The following SREK1 variants were observed in gnomAD, a reference collection of about 807,000 sequenced individuals.
SREK1 encodes splicing regulatory glutamine/lysine-rich protein 1.
In SREK1, 13 loss-of-function variants were observed where a neutral mutation model predicts 66.5. The observed-to-expected ratio is 0.20, with a 90% confidence interval of 0.13 to 0.31. SREK1 has a LOEUF of 0.31. Ranked by LOEUF, SREK1 falls within the 10% of genes least tolerant of loss-of-function variation. The probability of loss-of-function intolerance (pLI) is 1.00; values close to 1 mark genes in which losing one functional copy is unlikely to be tolerated. For missense variants in SREK1, 607 were observed against 769.6 expected (o/e 0.79, Z 2.50); for synonymous variants, 265 against 263.5 (o/e 1.01, Z -0.05).
chr5:66,145,261 T>A, intron 1 of SREK1: 5 of 685,630 alleles, frequency 7.3e-6, no homozygotes, highest in Non-Finnish European at 9.0e-6. Flanking sequence ...TCGCGGCCAC[T>A]TCCCAGATAG....
At chr5:66,164,701 G>A in intron 6 of SREK1, 82 bp from the exon 7 acceptor site, 1 of 1,610,366 alleles carries the variant, frequency 6.2e-7, no homozygotes, top group East Asian at 2.2e-5. Flanking sequence ...ACTATATGTG[G>A]TACATTCCAC....
At chr5:66,160,352 T>C (rs1744653157) in intron 3 of SREK1, among the ~76,000 whole-genome samples, 1 of 152,220 alleles carries the variant, frequency 6.6e-6, no homozygotes, top group South Asian at 2.1e-4. Flanking sequence ...ATTGTAAGAG[T>C]GGTTTCTGAA....
intron 2 of SREK1, chr5:66,153,875 T>TA (rs5868440): frequency 0.26 from 87,142 of 334,556 alleles, 14,043 homozygotes; most frequent in African/African-American, 0.5. Flanking sequence ...TTTCTGAAAT[T>TA]AAAAAATAAT....
intron 3 of SREK1, among the ~76,000 whole-genome samples, chr5:66,161,409 G>C (rs1388321006): frequency 6.6e-6 from 1 of 152,152 alleles, no homozygotes. Context: ...AAATCTTCTT[G>C]TTTTGGCACT....
At chr5:66,144,568 C>T in intron 1 of SREK1, 31 bp downstream of exon 1, 1 of 1,534,402 alleles carries the variant, frequency 6.5e-7, no homozygotes, top group Non-Finnish European at 8.8e-7. Context: ...GGGGGAGGGG[C>T]GCGGGCGCCA....
chr5:66,144,883 C>T, intron 1 of SREK1: 3 of 1,019,746 alleles, frequency 2.9e-6, no homozygotes, highest in Non-Finnish European at 3.5e-6. Context: ...CGGAACAGCC[C>T]TCATGGCAAA....
intron 2 of SREK1, among the ~76,000 whole-genome samples, chr5:66,155,559 G>A (rs1209400198): frequency 2.0e-5 from 3 of 152,206 alleles, no homozygotes; most frequent in African/African-American, 7.2e-5. Flanking sequence ...AGTAAGTTCT[G>A]TAAGAGGAGA....
Position 66,153,524 on chromosome 5 carries a change from G to A in SREK1, c.223G>A (p.Val75Ile). 1 of 1,614,032 alleles carries A rather than the reference G, an allele frequency of 6.2e-7. No homozygotes were observed. Among genetic ancestry groups the A allele is most frequent in the Non-Finnish European group, 8.5e-7 (1 of 1,179,950 alleles). Residue 75 changes from valine to isoleucine, a missense_variant, in exon 2 of 12, where the codon GTT becomes ATT. Val to Ile is a conservative substitution (Grantham distance 29). Around this residue, in one of 5 missense-constraint regions of SREK1, gnomAD observed 99 missense variants for 186.6 expected, o/e 0.53. Coordinates refer to ENST00000334121, the MANE Select transcript of SREK1 (RefSeq NM_001077199.3). ...TGTTAAGTTTCGTGATCCATCAAGT[G>A]TTGGCGTGGCCCAGCATCTAACTAA... ...CYVKFRDPSS[V>I]GVAQHLTNTV...
chr5:66,165,770 T>A (rs1204234704), intron 7 of SREK1: 1 of 151,594 alleles, frequency 6.6e-6, no homozygotes, highest in Non-Finnish European at 1.5e-5. Flanking sequence ...GAGGGAAGAG[T>A]GTATCTGTGT....
At chr5:66,159,146 T>A (rs1744521703) in intron 2 of SREK1, 73 bp from the exon 3 acceptor site, 5 of 1,533,182 alleles carry the variant, frequency 3.3e-6, no homozygotes, top group Admixed American at 4.4e-5. Flanking sequence ...ACTGCAAGGG[T>A]AATTGTAAAA....
Position 66,170,919 on chromosome 5 carries a change from G to C in SREK1, c.1456G>C (p.Ala486Pro). 1.9e-6 allele frequency: 3 copies of C among 1,608,118 alleles called. No individual in the cohort carries two copies. Among genetic ancestry groups the C allele is most frequent in the Non-Finnish European group, 2.5e-6 (3 of 1,178,334 alleles). Residue 486 changes from alanine to proline, a missense_variant, in exon 9 of 12, where the codon GCA becomes CCA. By Grantham distance (27) the Ala-to-Pro change is conservative (BLOSUM62 -1). This residue lies in a region of SREK1 where 318 missense variants were observed against 310.3 expected (regional missense o/e 1.02). Coordinates refer to ENST00000334121, the MANE Select transcript of SREK1 (RefSeq NM_001077199.3). ...CAGAACACCACCCAGGAGTTACAAT[G>C]CATCGCGAAGATCTCGTAGTTCCAG... ...KSRTPPRSYN[A>P]SRRSRSSSRE...
chr5:66,181,712 T>TA lies in SREK1; in HGVS notation c.*2845dup, dbSNP rs1746501382. On this transcript the variant is annotated 3_prime_UTR_variant, in exon 12 of 12. Coordinates refer to ENST00000334121, the MANE Select transcript of SREK1 (RefSeq NM_001077199.3). ...TCCTGAAGTTCTGCAGTTATCATCT[T>TA]AGTTATTTTCTATCTAATTAGCTTA... 6.6e-6 allele frequency: 1 copy of TA among 151,906 alleles called. No individual in the cohort carries two copies. The highest frequency in any genetic ancestry group is 1.5e-5 in the Non-Finnish European group (1 of 67,948). 9.4% of individuals were successfully genotyped at this position (151,906 alleles called of 1,614,324 possible). A position where few individuals can be genotyped will look rare whatever the true frequency, so the allele number is the denominator to read the frequency against.
At chr5:66,152,569 C>T (rs1297254359) in intron 1 of SREK1, among the ~76,000 whole-genome samples, 11 of 152,110 alleles carry the variant, frequency 7.2e-5, no homozygotes, top group African/African-American at 2.7e-4. Context: ...AAGTAAATGA[C>T]TATTAAGTCA....
In SREK1 at chr5:66,160,125, C is replaced by CAA. The variant is rs113489115; in HGVS notation, c.411+803_411+804dup. Among the ~76,000 whole-genome samples the CAA allele has an allele frequency of 2.5e-3, 315 of 126,792 alleles. 1 individual carries two copies. Among genetic ancestry groups the CAA allele is most frequent in the African/African-American group, 8.9e-3 (302 of 34,086 alleles). The allele number at this position is 126,792 out of a possible 152,430, so 83.2% of individuals were successfully genotyped here. On this transcript the variant is annotated intron_variant, in intron 3 of 11. Coordinates refer to ENST00000334121, the MANE Select transcript of SREK1 (RefSeq NM_001077199.3). ...AGCCTGGGCGACAGAGGGAGAGTCT[C>CAA]AAAAAAAAAAAAAGGGTATATTACT... is the stretch of plus-strand genomic sequence containing the variant.
chr5:66,146,977 A>G (rs1036629834), intron 1 of SREK1, among the ~76,000 whole-genome samples: 2 of 152,160 alleles, frequency 1.3e-5, no homozygotes, highest in South Asian at 4.1e-4. Context: ...CTAGCTACTC[A>G]GGAGGCTGAG....
At chr5:66,164,668 T>G in intron 6 of SREK1, 115 bp from the exon 7 acceptor site, 1 of 1,596,590 alleles carries the variant, frequency 6.3e-7, no homozygotes. Flanking sequence ...AGGAGGAGGA[T>G]GTACAGAGAG....
At chr5:66,146,294 G>GT (rs1214767007) in intron 1 of SREK1, among the ~76,000 whole-genome samples, 4 of 151,996 alleles carry the variant, frequency 2.6e-5, no homozygotes, top group Non-Finnish European at 5.9e-5. Flanking sequence ...TGGTAATAAG[G>GT]TATCTCATAG....
intron 6 of SREK1, 48 bp downstream of exon 6, chr5:66,163,970 C>G (rs1027461638): frequency 6.4e-7 from 1 of 1,555,278 alleles, no homozygotes; most frequent in Non-Finnish European, 8.7e-7. Flanking sequence ...AGATCATAGA[C>G]TCTTAGAACT....
rs1354576897 is a variant in SREK1, at chr5:66,163,884, G to T, written c.848G>T (p.Arg283Leu). 1 of 1,613,654 alleles carries T rather than the reference G, an allele frequency of 6.2e-7. No homozygotes were observed. Among genetic ancestry groups the T allele is most frequent in the Non-Finnish European group, 8.5e-7 (1 of 1,179,652 alleles). The change falls in exon 6 of 12, where the codon CGA (arginine) becomes CTA (leucine). Residue 283 changes from arginine to leucine, a missense_variant. Coordinates refer to ENST00000334121, the MANE Select transcript of SREK1 (RefSeq NM_001077199.3). ...KELEEVMKRV[R>L]EAQSFISAAI... Reference sequence around the variant, plus strand: ...TTAGAAGAAGTAATGAAGCGAGTACGAGAAGCTCAGTCATTTATCTCAGCA... The same window carrying T: ...TTAGAAGAAGTAATGAAGCGAGTACTAGAAGCTCAGTCATTTATCTCAGCA...
Sources: allele counts gnomAD v4.1 joint callset (sites outside exome capture counted in the v4.1 genomes callset), GRCh38; gene constraint gnomAD v4.1.1; regional missense constraint gnomAD v4.1.1; transcripts MANE v1.5; gene names NCBI Gene and HGNC (gene_info 2026-07-23, HGNC 2026-07-21).